The following HRH1 variants were observed in gnomAD, a reference collection of about 807,000 sequenced individuals.
HRH1 encodes histamine H1 receptor.
HRH1 carries 6 observed loss-of-function variants against 10.3 expected under a neutral mutation model. The observed-to-expected ratio is 0.58, with a 90% CI of 0.32 to 1.15. The LOEUF is 1.15. Ranked by LOEUF, HRH1 falls within the 50% of genes most tolerant of loss-of-function variation. The probability of loss-of-function intolerance (pLI) is 0.05; values close to 1 mark genes in which losing one functional copy is unlikely to be tolerated. For missense variants in HRH1, 514 were observed against 615.3 expected (o/e 0.84, Z 1.74); for synonymous variants, 242 against 236.7 (o/e 1.02, Z -0.21).
chr3:11,148,717 G>A lies in HRH1; in HGVS notation c.-36+11318G>A, dbSNP rs532341881. Among the ~76,000 whole-genome samples the A allele has an allele frequency of 2.6e-5, 4 of 151,922 alleles. No individual in the cohort carries two copies. The East Asian group carries it at 7.7e-4, about 29-fold the overall frequency. On this transcript the variant is annotated intron_variant, in intron 1 of 1. Transcript: ENST00000438284. ...CTCAGATCTCCTTGGCCAGAATTTG[G>A]TCACGTGGCTGCACCTTGCTACAAG...
intron 1 of HRH1, among the ~76,000 whole-genome samples, chr3:11,205,876 G>C (rs975180194): frequency 6.6e-6 from 1 of 152,104 alleles, no homozygotes; most frequent in Non-Finnish European, 1.5e-5. Flanking sequence ...TGGCCAAGCT[G>C]GTCTTGAACT....
chr3:11,141,293 C>T (rs1936287950), intron 1 of HRH1, among the ~76,000 whole-genome samples: 1 of 152,186 alleles, frequency 6.6e-6, no homozygotes, highest in Admixed American at 6.5e-5. Flanking sequence ...ACACTATGCT[C>T]CCAATAAACG....
At chr3:11,162,433 A>G (rs1936944992) in intron 1 of HRH1, among the ~76,000 whole-genome samples, 1 of 147,094 alleles carries the variant, frequency 6.8e-6, no homozygotes. Context: ...AGGGTATGGG[A>G]GAAATAGCCC....
intron 1 of HRH1, among the ~76,000 whole-genome samples, chr3:11,141,196 C>A (rs1324337170): frequency 6.6e-6 from 1 of 152,226 alleles, no homozygotes; most frequent in Non-Finnish European, 1.5e-5. Flanking sequence ...TTCACTCATT[C>A]TGAACCTCAG....
At chr3:11,154,040 A>C (rs911617403), upstream of HRH1, among the ~76,000 whole-genome samples, 1 of 151,900 alleles carries the variant, frequency 6.6e-6, no homozygotes, top group African/African-American at 2.4e-5. This position sits in a 1 kb window ranked among gnomAD's most constrained non-coding sequence, Gnocchi z 4.4. Context: ...TTTTCAATCT[A>C]TCTGTGATTG....
intron 1 of HRH1, among the ~76,000 whole-genome samples, chr3:11,229,969 G>A (rs1406738276): frequency 2.0e-5 from 3 of 152,184 alleles, no homozygotes; most frequent in Admixed American, 6.5e-5. Flanking sequence ...AGTTGACATG[G>A]GTGGGGACTA....
At chr3:11,237,578 T>G (rs568761525) in intron 1 of HRH1, among the ~76,000 whole-genome samples, 2 of 140,808 alleles carry the variant, frequency 1.4e-5, no homozygotes, top group Non-Finnish European at 3.3e-5. Context: ...CGATTAAGGA[T>G]TAAACGATTG....
chr3:11,184,301 G>T lies in HRH1; in HGVS notation c.-36+29747G>T, dbSNP rs114646395. ...TGAGGCAGATGCTATTATTATCCCC[G>T]TTTTACAGATGAAGAAATAGAGACA... is the stretch of plus-strand genomic sequence containing the variant. On this transcript the variant is annotated intron_variant, in intron 1 of 1. Coordinates refer to ENST00000431010, the MANE Select transcript of HRH1 (RefSeq NM_001098212.2). Among the ~76,000 whole-genome samples the T allele has an allele frequency of 4.5e-3, 685 of 152,156 alleles. 4 individuals are homozygous for T. Among genetic ancestry groups the T allele is most frequent in the African/African-American group, 0.016 (660 of 41,508 alleles).
chr3:11,220,026 G>A (rs1210094658), intron 1 of HRH1, among the ~76,000 whole-genome samples: 5 of 147,274 alleles, frequency 3.4e-5, no homozygotes, highest in South Asian at 4.4e-4. Flanking sequence ...GAGTAGTCAC[G>A]CAGACCAAGG....
At chr3:11,256,739 C>A (rs1939792436) in intron 1 of HRH1, among the ~76,000 whole-genome samples, 1 of 151,848 alleles carries the variant, frequency 6.6e-6, no homozygotes, top group South Asian at 2.1e-4. Flanking sequence ...GCAGAGGTTG[C>A]AGTGAACCGA....
At chr3:11,196,953 CAAAAAA>C (rs35134148) in intron 1 of HRH1, among the ~76,000 whole-genome samples, 2,098 of 110,476 alleles carry the variant, frequency 0.019, 18 homozygotes, top group Non-Finnish European at 0.026. Context: ...ACTAAAAATA[CAAAAAA>C]AAAAAAAAAA....
At chr3:11,152,369 T>A (rs910599788), upstream of HRH1, among the ~76,000 whole-genome samples, 2 of 152,112 alleles carry the variant, frequency 1.3e-5, no homozygotes, top group Admixed American at 1.3e-4. Flanking sequence ...CAGTTCCAAA[T>A]GCCACAGCAA....
intron 1 of HRH1, among the ~76,000 whole-genome samples, chr3:11,195,324 T>C (rs1022378164): frequency 6.6e-6 from 1 of 152,172 alleles, no homozygotes; most frequent in African/African-American, 2.4e-5. Flanking sequence ...TAAATCAAAC[T>C]CAAACTGCCA....
At chr3:11,215,585 C>T (rs990925957) in intron 1 of HRH1, among the ~76,000 whole-genome samples, 12 of 152,186 alleles carry the variant, frequency 7.9e-5, no homozygotes, top group African/African-American at 1.9e-4. Flanking sequence ...GGACCACAGG[C>T]GCCTGCCACT....
At position 11,180,948 on chromosome 3, in the gene HRH1, TACACACACACACAC is replaced by T. The variant is rs71055851; in HGVS notation, c.-36+26433_-36+26446del. ...TGTGGACATACACTTCTCTCAGGCA[TACACACACACACAC>T]ACACACACACACACACACACACACA... On this transcript the variant is annotated intron_variant, in intron 1 of 1. Coordinates refer to ENST00000431010, the MANE Select transcript of HRH1 (RefSeq NM_001098212.2). Among the ~76,000 whole-genome samples the T allele has an allele frequency of 5.7e-3, 685 of 121,110 alleles. 3 individuals are homozygous for T. The highest frequency in any genetic ancestry group is 0.026 in the Middle Eastern group (6 of 228). 79.5% of individuals were successfully genotyped at this position (121,110 alleles called of 152,430 possible).
chr3:11,256,938 C>T (rs1248489082), intron 1 of HRH1, among the ~76,000 whole-genome samples: 3 of 151,900 alleles, frequency 2.0e-5, no homozygotes, highest in Admixed American at 6.6e-5. Flanking sequence ...TTAAACTCAC[C>T]ACTTTTTGAT....
At chr3:11,213,978 G>A (rs1315226145) in intron 1 of HRH1, among the ~76,000 whole-genome samples, 8 of 152,294 alleles carry the variant, frequency 5.3e-5, no homozygotes, top group South Asian at 2.1e-4. Flanking sequence ...GCTCCTTGGC[G>A]GGTGGCATCT....
At position 11,195,337 on chromosome 3, in the gene HRH1, G is replaced by A. The variant is rs556084535; in HGVS notation, c.-36+40783G>A. On this transcript the variant is annotated intron_variant, in intron 1 of 1. Coordinates refer to ENST00000431010, the MANE Select transcript of HRH1 (RefSeq NM_001098212.2). Reference sequence around the variant, plus strand: ...TGTAAATCAAACTCAAACTGCCAACGTGAGGAGAAACCATAAACAGCTGTG... The same window carrying A: ...TGTAAATCAAACTCAAACTGCCAACATGAGGAGAAACCATAAACAGCTGTG... Among the ~76,000 whole-genome samples the A allele has an allele frequency of 3.9e-5, 6 of 152,310 alleles. No homozygotes were observed. The East Asian group carries it at 5.8e-4, about 15-fold the overall frequency.
At chr3:11,182,069 G>C (rs981318749) in intron 1 of HRH1, among the ~76,000 whole-genome samples, 4 of 152,014 alleles carry the variant, frequency 2.6e-5, no homozygotes, top group African/African-American at 9.7e-5. Context: ...TGCAACCTCC[G>C]CCTCCCTGGT....
Sources: allele counts gnomAD v4.1 joint callset (sites outside exome capture counted in the v4.1 genomes callset), GRCh38; gene constraint gnomAD v4.1.1; non-coding constraint Gnocchi (gnomAD v3.1); transcripts MANE v1.5; gene names NCBI Gene and HGNC (gene_info 2026-07-23, HGNC 2026-07-21).